The following SPIRE2 variants were observed in gnomAD, a reference collection of about 807,000 sequenced individuals.
SPIRE2 encodes spire type actin nucleation factor 2.
SPIRE2 carries 76 observed loss-of-function variants against 80.7 expected under a neutral mutation model. That is an observed-to-expected ratio of 0.94 (90% confidence interval 0.78 to 1.14). The LOEUF (loss-of-function observed/expected upper bound fraction) is 1.14. SPIRE2 is among the 50% of genes most tolerant of loss of function. The probability of loss-of-function intolerance (pLI) is 0.00; values close to 1 mark genes in which losing one functional copy is unlikely to be tolerated. For missense variants in SPIRE2, 1,196 were observed against 1,015.3 expected (o/e 1.18, Z -2.42); for synonymous variants, 535 against 432.6 (o/e 1.24, Z -2.94).
At chr16:89,835,223 C>T (rs1021710386) in intron 1 of SPIRE2, among the ~76,000 whole-genome samples, 29 of 144,278 alleles carry the variant, frequency 2.0e-4, no homozygotes, top group Non-Finnish European at 3.4e-4. Context: ...CGCGGTTGGC[C>T]GTCTTAGAAG....
chr16:89,860,733 C>T lies in SPIRE2; in HGVS notation c.1513C>T (p.Arg505Trp), dbSNP rs748952344. ...CCCCAGCCACCCCCTACTCAGCAAC[C>T]GGGGCTCCTCGGGGGACAGACCCGA... ...SDPSHPLLSN[R>W]GSSGDRPEAS... is the part of the protein sequence containing the mutation. Residue 505 changes from arginine (R) to tryptophan (W), a missense_variant, in exon 10 of 15, where the codon CGG becomes TGG. Coordinates refer to ENST00000378247, the MANE Select transcript of SPIRE2 (RefSeq NM_032451.2). The T allele has an allele frequency of 1.9e-6, 3 of 1,586,836 alleles. No individual in the cohort carries two copies. Among genetic ancestry groups the T allele is most frequent in the Middle Eastern group, 1.7e-4 (1 of 5,990 alleles).
chr16:89,864,445 G>C (rs1198669730), intron 12 of SPIRE2, among the ~76,000 whole-genome samples: 3 of 152,160 alleles, frequency 2.0e-5, no homozygotes, highest in African/African-American at 7.2e-5. Context: ...TCTGGTCCTC[G>C]GCCTGTTTTG....
intron 13 of SPIRE2, 70 bp downstream of exon 13, chr16:89,868,286 G>A (rs1369231970): frequency 2.7e-6 from 4 of 1,493,962 alleles, no homozygotes; most frequent in Non-Finnish European, 3.7e-6. Flanking sequence ...TTGATTGGAT[G>A]TGTTGGATGA....
chr16:89,863,479 T>C lies in SPIRE2; in HGVS notation c.1579T>C (p.Phe527Leu). 6.2e-7 allele frequency: 1 copy of C among 1,613,850 alleles called. No individual in the cohort carries two copies. The highest frequency in any genetic ancestry group is 8.5e-7 in the Non-Finnish European group (1 of 1,179,990). Residue 527 changes from phenylalanine (F) to leucine (L), a missense_variant, in exon 11 of 15, where the codon TTC becomes CTC. Coordinates refer to ENST00000378247, the MANE Select transcript of SPIRE2 (RefSeq NM_032451.2). This position sits in a 1 kb window ranked among gnomAD's most constrained non-coding sequence, Gnocchi z 4.3. ...TPDAKHLWLE[F>L]SHPVESLALT... ...CCTACCTGAGGCCGTCCCCTAGGAG[T>C]TCAGCCACCCCGTGGAGAGCCTGGC...
chr16:89,842,387 A>G (rs2041514744), intron 1 of SPIRE2, among the ~76,000 whole-genome samples: 1 of 151,220 alleles, frequency 6.6e-6, no homozygotes, highest in South Asian at 2.1e-4. Flanking sequence ...TAATTTTTGT[A>G]TTTTTAGTAG....
In SPIRE2 at chr16:89,859,342, T is replaced by G; in HGVS notation, c.1450T>G (p.Ser484Ala). The G allele has an allele frequency of 6.4e-7, 1 of 1,567,126 alleles. No individual in the cohort carries two copies. Among genetic ancestry groups the G allele is most frequent in the Non-Finnish European group, 8.6e-7 (1 of 1,161,632 alleles). Residue 484 changes from serine (S) to alanine (A), a missense_variant, in exon 9 of 15, where the codon TCC (serine) becomes GCC (alanine). Physicochemically the swap from Ser to Ala is moderately conservative, Grantham distance 99. Transcript: ENST00000378247. ...AGSAHVWRPG[S>A]RDQGTCPASV... is the part of the protein sequence containing the mutation. ...CAGTGCGCATGTGTGGAGGCCCGGCTCCCGAGACCAGGGCAAGTGCTGCTT... is the reference window on the plus strand; with the variant it reads ...CAGTGCGCATGTGTGGAGGCCCGGCGCCCGAGACCAGGGCAAGTGCTGCTT...
intron 1 of SPIRE2, among the ~76,000 whole-genome samples, chr16:89,839,901 G>A (rs1459113391): frequency 2.0e-5 from 3 of 151,770 alleles, no homozygotes; most frequent in Non-Finnish European, 4.4e-5. Context: ...CATTGTCACT[G>A]ATGATCATGC....
chr16:89,871,210 C>G lies in SPIRE2; in HGVS notation c.*938C>G, dbSNP rs2041837477. On this transcript the variant is annotated 3_prime_UTR_variant, in exon 15 of 15. Transcript: ENST00000378247. The stretch of plus-strand genomic sequence containing the variant: ...CATTCTGGTGCTGTCCTCACTCGCC[C>G]CTGGCCCAGAGGCTCCTGAAGATGC... 1 of 152,494 alleles carries G rather than the reference C, an allele frequency of 6.6e-6. No individual in the cohort carries two copies. Among genetic ancestry groups the G allele is most frequent in the Non-Finnish European group, 1.5e-5 (1 of 68,260 alleles). The allele number at this position is 152,494 out of a possible 1,614,324, so 9.4% of individuals were successfully genotyped here. A position where few individuals can be genotyped will look rare whatever the true frequency, so the allele number is the denominator to read the frequency against.
chr16:89,857,439 C>T (rs576433696), intron 7 of SPIRE2, among the ~76,000 whole-genome samples: 1 of 152,170 alleles, frequency 6.6e-6, no homozygotes, highest in East Asian at 1.9e-4. Flanking sequence ...CCCTGCCTAA[C>T]ATGATCTTAT....
rs2041825019 is a variant in SPIRE2 at position 89,869,971 on chromosome 16, C to A, written c.1923-79C>A. On this transcript the variant is annotated intron_variant, in intron 14 of 14. Transcript: ENST00000378247. ...AGGGTGAAAGGCAGCCAGGAGGGGG[C>A]TGTGGCATGCACAAGCAGGGAGGGG... 3.9e-6 allele frequency: 5 copies of A among 1,271,410 alleles called. No individual in the cohort carries two copies. The South Asian group carries it at 5.3e-5, about 14-fold the overall frequency. The allele number at this position is 1,271,410 out of a possible 1,614,324, so 78.8% of individuals were successfully genotyped here. A position where few individuals can be genotyped will look rare whatever the true frequency, so the allele number is the denominator to read the frequency against.
chr16:89,859,273 ACCCACC>A lies in SPIRE2; in HGVS notation c.1385_1390del (p.His462_Pro463del). 6.2e-7 allele frequency: 1 copy of A among 1,605,868 alleles called. No homozygotes were observed. The highest frequency in any genetic ancestry group is 8.5e-7 in the Non-Finnish European group (1 of 1,178,410). Reference sequence around the variant, plus strand: ...GGTGGCCTCTGGCCTGCAGTCGGCCACCCACCCCCCAGGAGGGACGGAGCCACCACG... The same window carrying A: ...GGTGGCCTCTGGCCTGCAGTCGGCCACCCCAGGAGGGACGGAGCCACCACG... On this transcript the variant is annotated inframe_deletion, in exon 9 of 15. Transcript: ENST00000378247.
intron 2 of SPIRE2, chr16:89,846,695 T>TAGA (rs2041564117): frequency 6.6e-6 from 1 of 151,400 alleles, no homozygotes. Flanking sequence ...GTATTTTTAG[T>TAGA]AGAAGTGGGG....
chr16:89,841,820 C>G (rs1598220367), intron 1 of SPIRE2, among the ~76,000 whole-genome samples: 2 of 152,060 alleles, frequency 1.3e-5, no homozygotes, highest in East Asian at 3.9e-4. Context: ...GCCTCAGCCT[C>G]CCAAGTAGCT....
At chr16:89,833,496 C>G (rs1164982574) in intron 1 of SPIRE2, among the ~76,000 whole-genome samples, 1 of 152,244 alleles carries the variant, frequency 6.6e-6, no homozygotes, top group African/African-American at 2.4e-5. Context: ...AGCAGCCACC[C>G]AGGTGGTATC....
At chr16:89,855,830 G>C (rs972852501) in intron 6 of SPIRE2, 144 bp downstream of exon 6, 2 of 946,086 alleles carry the variant, frequency 2.1e-6, no homozygotes, top group African/African-American at 3.3e-5. Flanking sequence ...GAGGCGGGCT[G>C]GCTTCCTCTT....
chr16:89,850,578 A>T lies in SPIRE2; in HGVS notation c.563A>T (p.His188Leu). Residue 188 changes from histidine to leucine, a missense_variant, in exon 3 of 15, where the codon CAT becomes CTT. Physicochemically the swap from His to Leu is moderately conservative, Grantham distance 99. Transcript: ENST00000378247. ...RLTDPRGAQA[H>L]YQAVCRALFV... Reference sequence around the variant, plus strand: ...ACCGACCCCCGGGGCGCACAGGCGCATTACCAGGCCGTGTGCCGCGCGCTC... The same window carrying T: ...ACCGACCCCCGGGGCGCACAGGCGCTTTACCAGGCCGTGTGCCGCGCGCTC... The T allele has an allele frequency of 6.6e-7, 1 of 1,517,892 alleles. No homozygotes were observed. The allele number at this position is 1,517,892 out of a possible 1,614,324, so 94.0% of individuals were successfully genotyped here.
intron 1 of SPIRE2, among the ~76,000 whole-genome samples, chr16:89,835,048 T>C (rs1379357419): frequency 6.7e-6 from 1 of 149,928 alleles, no homozygotes; most frequent in African/African-American, 2.5e-5. Flanking sequence ...TGGATAAGCA[T>C]AGCCCGTGTG....
Position 89,850,600 on chromosome 16 carries a change from G to C in SPIRE2, c.585G>C (p.Ala195=). The change falls in exon 3 of 15, where the codon GCG becomes GCC. Residue 195 remains alanine (A), a synonymous_variant. Transcript: ENST00000378247. ...AQAHYQAVCR[A]LFVETLELRA... ...CGCATTACCAGGCCGTGTGCCGCGC[G>C]CTCTTCGTGGAGACGCTGGAGCTGC... The C allele has an allele frequency of 1.3e-6, 2 of 1,518,730 alleles. No individual in the cohort carries two copies. The highest frequency in any genetic ancestry group is 8.8e-7 in the Non-Finnish European group (1 of 1,139,150). 94.1% of individuals were successfully genotyped at this position (1,518,730 alleles called of 1,614,324 possible).
chr16:89,869,905 C>G (rs1279533609), intron 14 of SPIRE2, 145 bp from the exon 15 acceptor site: 4 of 747,238 alleles, frequency 5.4e-6, no homozygotes, highest in African/African-American at 3.5e-5. Flanking sequence ...GAGATGAACA[C>G]TGCTAGCTGT....
Sources: allele counts gnomAD v4.1 joint callset (sites outside exome capture counted in the v4.1 genomes callset), GRCh38; gene constraint gnomAD v4.1.1; non-coding constraint Gnocchi (gnomAD v3.1); transcripts MANE v1.5; gene names NCBI Gene and HGNC (gene_info 2026-07-23, HGNC 2026-07-21).